Variants in MED27 observed in about 807,000 individuals in gnomAD.
MED27 encodes mediator complex subunit 27, also known as mediator of RNA polymerase II transcription subunit 27.
In MED27, 30 loss-of-function variants were observed where a neutral mutation model predicts 38.2. That is an observed-to-expected ratio of 0.79 (90% CI 0.59 to 1.07). The LOEUF (loss-of-function observed/expected upper bound fraction) is 1.07, where lower values mean the gene tolerates loss of function less well. MED27 is among the 50% of genes least tolerant of loss of function. The pLI is 0.00. For missense variants in MED27, 289 were observed against 397.5 expected, an observed-to-expected ratio of 0.73 and a Z score of 2.32; for synonymous variants, 122 against 153.5, an observed-to-expected ratio of 0.79 and a Z score of 1.52.
chr9:131,878,315 T>C (rs1838974709), intron 6 of MED27, among the ~76,000 whole-genome samples: 1 of 146,774 alleles, frequency 6.8e-6, no homozygotes. Context: ...ATAAATAAAA[T>C]AAAAATAATC....
intron 4 of MED27, among the ~76,000 whole-genome samples, chr9:131,895,964 T>A (rs1237327003): frequency 3.3e-5 from 5 of 151,452 alleles, no homozygotes; most frequent in Non-Finnish European, 7.4e-5. Context: ...AGTGGTGTGA[T>A]CTCGGCTCAC....
At chr9:131,953,431 A>C (rs1025921722) in intron 3 of MED27, among the ~76,000 whole-genome samples, 7 of 152,254 alleles carry the variant, frequency 4.6e-5, no homozygotes. Flanking sequence ...AAGTGGTTTT[A>C]GGTGATATAT....
chr9:131,885,340 G>C (rs1448014765), intron 5 of MED27, among the ~76,000 whole-genome samples: 1 of 152,208 alleles, frequency 6.6e-6, no homozygotes, highest in African/African-American at 2.4e-5. Context: ...TCAAATCCTG[G>C]CTGAGCATCA....
intron 4 of MED27, among the ~76,000 whole-genome samples, chr9:131,910,592 C>T (rs1830170081): frequency 6.6e-6 from 1 of 152,160 alleles, no homozygotes; most frequent in Admixed American, 6.5e-5. Context: ...CCACACTTTG[C>T]ATGGCTTTTT....
intron 2 of MED27, among the ~76,000 whole-genome samples, chr9:132,038,188 C>CTTTTTTT: frequency 8.0e-6 from 1 of 125,688 alleles, no homozygotes; most frequent in Non-Finnish European, 1.6e-5. Flanking sequence ...AGGCATCCTT[C>CTTTTTTT]TTTTTTTTTT....
intron 3 of MED27, among the ~76,000 whole-genome samples, chr9:131,963,293 G>C (rs552130930): frequency 6.6e-6 from 1 of 152,218 alleles, no homozygotes; most frequent in South Asian, 2.1e-4. Context: ...AGAGAACAAA[G>C]ACCCCCTGAG....
intron 6 of MED27, among the ~76,000 whole-genome samples, chr9:131,875,347 T>C (rs1838912359): frequency 6.6e-6 from 1 of 152,150 alleles, no homozygotes; most frequent in African/African-American, 2.4e-5. Flanking sequence ...TTGGTGGGAA[T>C]GGGTAGGTCT....
At chr9:132,023,274 T>C (rs2131090358) in intron 2 of MED27, among the ~76,000 whole-genome samples, 1 of 152,346 alleles carries the variant, frequency 6.6e-6, no homozygotes, top group Non-Finnish European at 1.5e-5. Context: ...TGGACATTTC[T>C]ATGTCTCAGT....
At chr9:132,077,811 G>GA (rs564626008) in intron 1 of MED27, among the ~76,000 whole-genome samples, 93 of 150,980 alleles carry the variant, frequency 6.2e-4, no homozygotes, top group Non-Finnish European at 9.4e-4. Flanking sequence ...TCCAAAGGAG[G>GA]AAAAAAAAGG....
At chr9:132,078,532 G>A (rs993964678) in intron 1 of MED27, among the ~76,000 whole-genome samples, 2 of 152,190 alleles carry the variant, frequency 1.3e-5, no homozygotes, top group East Asian at 3.9e-4. Flanking sequence ...AACAGCAAGC[G>A]GATGTGGGCG....
intron 3 of MED27, among the ~76,000 whole-genome samples, chr9:131,973,452 CTTTTCTTTTTTTTTTTTTT>C (rs1183060546): frequency 8.1e-6 from 1 of 123,230 alleles, no homozygotes; most frequent in Non-Finnish European, 1.6e-5. Context: ...TTTTCTTTTT[CTTTTCTTTTTTTTTTTTTT>C]TTTTTGAGAT....
rs186825145 is a variant in MED27 at position 131,903,722 on chromosome 9, C to T, written c.574-9730G>A. ...CCCTGTATGGTGGCAAATATTATCA[C>T]TGTTGTCATTATTATTTTTTTTAGA... On this transcript the variant is annotated intron_variant, in intron 4 of 7. Transcript: ENST00000292035. Among the ~76,000 whole-genome samples the T allele has an allele frequency of 7.7e-4, 117 of 152,154 alleles. 1 individual carries two copies. The highest frequency in any genetic ancestry group is 2.7e-3 in the African/African-American group (111 of 41,514).
At chr9:131,930,147 G>A (rs551318575) in intron 4 of MED27, among the ~76,000 whole-genome samples, 3 of 152,316 alleles carry the variant, frequency 2.0e-5, no homozygotes, top group African/African-American at 7.2e-5. Context: ...AGTGTCATTG[G>A]TCTTAAAGAG....
intron 3 of MED27, among the ~76,000 whole-genome samples, chr9:131,998,895 C>T (rs1403146089): frequency 1.3e-5 from 2 of 151,132 alleles, no homozygotes; most frequent in Non-Finnish European, 2.9e-5. Context: ...ATTTTTTCCA[C>T]AGTGCCCAAG....
intron 4 of MED27, among the ~76,000 whole-genome samples, chr9:131,919,507 T>G (rs1830352138): frequency 6.6e-6 from 1 of 152,060 alleles, no homozygotes; most frequent in Non-Finnish European, 1.5e-5. Flanking sequence ...CAGACTGGGA[T>G]CCAAATTGTC....
intron 4 of MED27, among the ~76,000 whole-genome samples, chr9:131,924,272 G>A (rs1267410062): frequency 1.3e-5 from 2 of 152,018 alleles, no homozygotes; most frequent in African/African-American, 4.8e-5. Context: ...TTGCCAATCT[G>A]GTAGGTGAGA....
At chr9:131,919,074 G>A (rs1171764725) in intron 4 of MED27, among the ~76,000 whole-genome samples, 1 of 152,154 alleles carries the variant, frequency 6.6e-6, no homozygotes, top group Non-Finnish European at 1.5e-5. Context: ...AGAGCCCTGA[G>A]ATAAAGATAA....
chr9:131,883,052 C>T lies in MED27; in HGVS notation c.723+1006G>A, dbSNP rs1182068956. On this transcript the variant is annotated intron_variant, in intron 6 of 7. Coordinates refer to ENST00000292035, the MANE Select transcript of MED27 (RefSeq NM_004269.4). This position sits in a 1 kb window ranked among gnomAD's most constrained non-coding sequence, Gnocchi z 4.2. ...CCTCCTGAGTAGCTAGGATTATAGG[C>T]GCCCGCCACCATGCCCGGCTAATTT... 1.3e-5 allele frequency among the ~76,000 whole-genome samples: 2 copies of T among 152,028 alleles called. No homozygotes were observed. Among genetic ancestry groups the T allele is most frequent in the East Asian group, 1.9e-4 (1 of 5,180 alleles).
At chr9:131,869,318 T>G in intron 6 of MED27, 1 of 985,386 alleles carries the variant, frequency 1.0e-6, no homozygotes, top group South Asian at 4.7e-5. Flanking sequence ...CAATATTTTT[T>G]TGTTTTACAT....
Sources: allele counts gnomAD v4.1 joint callset (sites outside exome capture counted in the v4.1 genomes callset), GRCh38; gene constraint gnomAD v4.1.1; non-coding constraint Gnocchi (gnomAD v3.1); transcripts MANE v1.5; gene names NCBI Gene and HGNC (gene_info 2026-07-23, HGNC 2026-07-21).